The following KCNQ1OT1 variants were observed in gnomAD, a reference collection of about 807,000 sequenced individuals.
The protein encoded by KCNQ1OT1 is KCNQ1 antisense RNA 2 (non-protein coding).
At chr11:2,697,730 A>G (rs1261572372) in exon 1 of KCNQ1OT1, 1 of 398,632 alleles carries the variant, frequency 2.5e-6, no homozygotes. Context: ...CACTTGTTTA[A>G]GAATTGTTGT....
chr11:2,615,494 A>C (rs970415178), exon 1 of KCNQ1OT1: 1 of 397,852 alleles, frequency 2.5e-6, no homozygotes, highest in African/African-American at 2.1e-5. Flanking sequence ...TTATGGGAGA[A>C]ATTTTTCAGT....
rs1850155610 is a variant in KCNQ1OT1, at chr11:2,670,214, G to A, written n.29781C>T. ...CAGAGTGAAGAGCAGGGCGAGCTGT[G>A]TAGCTCACCTGCCTTTGACCCTGCA... On this transcript the variant is annotated non_coding_transcript_exon_variant, in exon 1 of 1. Transcript: ENST00000597346. This position sits in a 1 kb window ranked among gnomAD's most constrained non-coding sequence, Gnocchi z 4.9. The A allele has an allele frequency of 2.5e-6, 1 of 398,496 alleles. No individual in the cohort carries two copies. The highest frequency in any genetic ancestry group is 4.4e-6 in the Non-Finnish European group (1 of 226,092). 24.7% of individuals were successfully genotyped at this position (398,496 alleles called of 1,614,324 possible).
chr11:2,667,420 A>G (rs1850097356), exon 1 of KCNQ1OT1: 1 of 398,570 alleles, frequency 2.5e-6, no homozygotes, highest in Non-Finnish European at 4.4e-6. Context: ...TCCACTTGTG[A>G]ACTCCCAGCC....
At chr11:2,699,165 A>G (rs776758886) in exon 1 of KCNQ1OT1, 7 of 398,522 alleles carry the variant, frequency 1.8e-5, no homozygotes, top group East Asian at 3.6e-5. Flanking sequence ...CTGAACCACC[A>G]TGAGAACTAT....
At chr11:2,609,248 C>A in exon 1 of KCNQ1OT1, 2 of 398,204 alleles carry the variant, frequency 5.0e-6, no homozygotes, top group Non-Finnish European at 8.9e-6. Context: ...TCTCAAAGTA[C>A]GTTCCATTTC....
rs1850023088 is a variant in KCNQ1OT1, at chr11:2,664,300, G to C, written n.35695C>G. ...TGCAAAGGGGCCACCTTGAGGCATT[G>C]TGTTCTGGTCAGGGAAGACTCAGGG... On this transcript the variant is annotated non_coding_transcript_exon_variant, in exon 1 of 1. Transcript: ENST00000597346. The surrounding 1 kb of genome is among the most constrained non-coding windows in gnomAD (Gnocchi z 5.1). The C allele has an allele frequency of 5.0e-6, 2 of 399,100 alleles. No homozygotes were observed. The highest frequency in any genetic ancestry group is 8.8e-6 in the Non-Finnish European group (2 of 226,522). 24.7% of individuals were successfully genotyped at this position (399,100 alleles called of 1,614,324 possible). A position where few individuals can be genotyped will look rare whatever the true frequency, so the allele number is the denominator to read the frequency against.
chr11:2,680,410 T>G (rs991826436), exon 1 of KCNQ1OT1: 3 of 398,356 alleles, frequency 7.5e-6, no homozygotes, highest in Non-Finnish European at 1.3e-5. Flanking sequence ...TTTTTTTAGA[T>G]CTTTGTATGG....
Position 2,678,361 on chromosome 11 carries a change from A to G in KCNQ1OT1, n.21634T>C, listed in dbSNP as rs1474791533. 24 of 398,370 alleles carry G rather than the reference A, an allele frequency of 6.0e-5. No homozygotes were observed. The Admixed American group carries it at 1.1e-3, about 18-fold the overall frequency. 24.7% of individuals were successfully genotyped at this position (398,370 alleles called of 1,614,324 possible). A position where few individuals can be genotyped will look rare whatever the true frequency, so the allele number is the denominator to read the frequency against. ...ATCCTTGCTTTATCGGGATTTTGAC[A>G]GAGTAATTAAATCCAATTTGGTTTC... On this transcript the variant is annotated non_coding_transcript_exon_variant, in exon 1 of 1. Transcript: ENST00000597346. This position sits in a 1 kb window ranked among gnomAD's most constrained non-coding sequence, Gnocchi z 4.9.
At chr11:2,681,112 C>G in exon 1 of KCNQ1OT1, 1 of 398,414 alleles carries the variant, frequency 2.5e-6, no homozygotes. Context: ...AAATAGATGC[C>G]CCCCAAAAAA....
chr11:2,676,436 G>A lies in KCNQ1OT1; in HGVS notation n.23559C>T. ...CAATGGGCTGGGCTTTTCCCAGATA[G>A]GACATGCTCACTGTTCTGCTCAGAT... On this transcript the variant is annotated non_coding_transcript_exon_variant, in exon 1 of 1. Coordinates refer to ENST00000597346, the Ensembl canonical transcript of KCNQ1OT1. The surrounding 1 kb of genome is among the most constrained non-coding windows in gnomAD (Gnocchi z 4.2). 1 of 398,640 alleles carries A rather than the reference G, an allele frequency of 2.5e-6. No homozygotes were observed. The highest frequency in any genetic ancestry group is 4.4e-6 in the Non-Finnish European group (1 of 226,074). The allele number at this position is 398,640 out of a possible 1,614,324, so 24.7% of individuals were successfully genotyped here. A position where few individuals can be genotyped will look rare whatever the true frequency, so the allele number is the denominator to read the frequency against.
Position 2,670,650 on chromosome 11 carries a change from C to A in KCNQ1OT1, n.29345G>T, listed in dbSNP as rs1850166809. On this transcript the variant is annotated non_coding_transcript_exon_variant, in exon 1 of 1. Transcript: ENST00000597346. This position sits in a 1 kb window ranked among gnomAD's most constrained non-coding sequence, Gnocchi z 4.9. Reference sequence around the variant, plus strand: ...TATGCATGGCAGAGGCCAGGATGAACCCTGAAGATTGGTAGGAAGGCAGTG... The same window carrying A: ...TATGCATGGCAGAGGCCAGGATGAAACCTGAAGATTGGTAGGAAGGCAGTG... 3 of 398,418 alleles carry A rather than the reference C, an allele frequency of 7.5e-6. No homozygotes were observed. The highest frequency in any genetic ancestry group is 4.4e-5 in the Admixed American group (1 of 22,684). The allele number at this position is 398,418 out of a possible 1,614,324, so 24.7% of individuals were successfully genotyped here.
chr11:2,639,105 A>T (rs1260315441), exon 1 of KCNQ1OT1: 2 of 152,176 alleles, frequency 1.3e-5, no homozygotes, highest in South Asian at 2.1e-4. Context: ...TATTCTAGTT[A>T]GCCATTCGTC....
rs1850165160 is a variant in KCNQ1OT1, at chr11:2,670,577, A to T, written n.29418T>A. The stretch of plus-strand genomic sequence containing the variant: ...GCCAGTATCACTGGGAGATAGGAGC[A>T]GAAGCCAGGGCTCATTCCCAGACAC... On this transcript the variant is annotated non_coding_transcript_exon_variant, in exon 1 of 1. Coordinates refer to ENST00000597346, the Ensembl canonical transcript of KCNQ1OT1. This position sits in a 1 kb window ranked among gnomAD's most constrained non-coding sequence, Gnocchi z 4.9. The T allele has an allele frequency of 1.0e-5, 4 of 398,372 alleles. No homozygotes were observed. In the East Asian group the frequency reaches 1.4e-4, roughly 14 times the overall value. The allele number at this position is 398,372 out of a possible 1,614,324, so 24.7% of individuals were successfully genotyped here.
Position 2,668,276 on chromosome 11 carries a change from C to T in KCNQ1OT1, n.31719G>A. 2.5e-6 allele frequency: 1 copy of T among 398,630 alleles called. No homozygotes were observed. Among genetic ancestry groups the T allele is most frequent in the South Asian group, 1.3e-4 (1 of 7,852 alleles). The allele number at this position is 398,630 out of a possible 1,614,324, so 24.7% of individuals were successfully genotyped here. ...GGTTGCTGTTTAAGAATATTCTGTACATGCTTTTGGTGAGCATCAGGTTGC... is the reference window on the plus strand; with the variant it reads ...GGTTGCTGTTTAAGAATATTCTGTATATGCTTTTGGTGAGCATCAGGTTGC... On this transcript the variant is annotated non_coding_transcript_exon_variant, in exon 1 of 1. Transcript: ENST00000597346. This position sits in a 1 kb window ranked among gnomAD's most constrained non-coding sequence, Gnocchi z 4.3.
At chr11:2,660,730 C>G in exon 1 of KCNQ1OT1, 2 of 398,652 alleles carry the variant, frequency 5.0e-6, no homozygotes, top group South Asian at 1.3e-4. Context: ...TTCAACACTT[C>G]ATTCAGGCAT....
At chr11:2,622,921 T>A (rs1272843620) in exon 1 of KCNQ1OT1, 2 of 398,510 alleles carry the variant, frequency 5.0e-6, no homozygotes, top group Non-Finnish European at 8.8e-6. Flanking sequence ...GGCTCACTGT[T>A]GGGGTGTACA....
chr11:2,654,636 C>T lies in KCNQ1OT1; in HGVS notation n.45359G>A, dbSNP rs944860168. Reference sequence around the variant, plus strand: ...TTACTAGGAAGGGCCCAGACACTGGCGAGAGTCTCTTGAGGGCAGAGGGCA... The same window carrying T: ...TTACTAGGAAGGGCCCAGACACTGGTGAGAGTCTCTTGAGGGCAGAGGGCA... On this transcript the variant is annotated non_coding_transcript_exon_variant, in exon 1 of 1. Transcript: ENST00000597346. This position sits in a 1 kb window ranked among gnomAD's most constrained non-coding sequence, Gnocchi z 6.4. 42 of 398,530 alleles carry T rather than the reference C, an allele frequency of 1.1e-4. No homozygotes were observed. Among genetic ancestry groups the T allele is most frequent in the African/African-American group, 7.0e-4 (34 of 48,548 alleles). 24.7% of individuals were successfully genotyped at this position (398,530 alleles called of 1,614,324 possible). A position where few individuals can be genotyped will look rare whatever the true frequency, so the allele number is the denominator to read the frequency against.
exon 1 of KCNQ1OT1, chr11:2,609,331 C>G (rs1848936975): frequency 5.0e-6 from 2 of 398,192 alleles, no homozygotes; most frequent in African/African-American, 2.1e-5. Flanking sequence ...GTATGTTTCC[C>G]TAATTTCTTT....
chr11:2,649,970 T>G (rs775275926), exon 1 of KCNQ1OT1: 70 of 398,378 alleles, frequency 1.8e-4, no homozygotes, highest in Non-Finnish European at 3.0e-4. Context: ...CACGCAGGCA[T>G]TCTTCATTCT....
Sources: allele counts gnomAD v4.1 joint callset, GRCh38; gene constraint gnomAD v4.1.1; non-coding constraint Gnocchi (gnomAD v3.1); transcripts MANE v1.5; gene names NCBI Gene and HGNC (gene_info 2026-07-23, HGNC 2026-07-21).